Variants in DHRSX observed in about 807,000 individuals in gnomAD.
DHRSX encodes polyprenol dehydrogenase.
DHRSX carries 31 observed loss-of-function variants against 34.0 expected under a neutral mutation model. The ratio of observed to expected loss-of-function variants is 0.91; its 90% CI spans 0.69 to 1.23. The LOEUF is 1.23. Ranked by LOEUF, DHRSX falls within the 50% of genes most tolerant of loss-of-function variation. DHRSX has a pLI of 0.00. For synonymous variants in DHRSX, 201 were observed against 183.8 expected (o/e 1.09, Z -0.76); for missense variants, 414 against 428.1 (o/e 0.97, Z 0.29).
intron 1 of DHRSX, among the ~76,000 whole-genome samples, chrX:2,450,872 C>T (rs2044207199): frequency 6.6e-6 from 1 of 151,958 alleles, no homozygotes; most frequent in Non-Finnish European, 1.5e-5. Context: ...AGGTGGGAGA[C>T]TTGGGAGGTG....
At chrX:2,430,047 G>A (rs887792351) in intron 1 of DHRSX, among the ~76,000 whole-genome samples, 4 of 151,886 alleles carry the variant, frequency 2.6e-5, no homozygotes, top group Admixed American at 2.0e-4. Context: ...ACTGAAATGA[G>A]ACTTGGTCAT....
intron 5 of DHRSX, among the ~76,000 whole-genome samples, chrX:2,264,246 G>C (rs1402072603): frequency 6.6e-6 from 1 of 152,134 alleles, no homozygotes; most frequent in East Asian, 1.9e-4. Context: ...AGTGTGCCCA[G>C]AGCACCGCTA....
chrX:2,293,814 T>C (rs1242496783), intron 3 of DHRSX, among the ~76,000 whole-genome samples: 1 of 152,046 alleles, frequency 6.6e-6, no homozygotes, highest in African/African-American at 2.4e-5. Context: ...GCAGTGTGTG[T>C]GTGTGGTGGG....
intron 3 of DHRSX, among the ~76,000 whole-genome samples, chrX:2,356,808 T>A (rs1241699525): frequency 2.6e-5 from 4 of 152,210 alleles, no homozygotes; most frequent in Non-Finnish European, 5.9e-5. Context: ...CGTTTTCTTT[T>A]CTCTAGCTTA....
chrX:2,432,872 C>A (rs1456159765), intron 1 of DHRSX, among the ~76,000 whole-genome samples: 1 of 152,008 alleles, frequency 6.6e-6, no homozygotes, highest in African/African-American at 2.4e-5. Context: ...GCCTGTAATC[C>A]CAGCACTTTG....
rs753638204 is a variant in DHRSX, at chrX:2,271,410, C to G, written c.389-4463G>C. 3.3e-5 allele frequency among the ~76,000 whole-genome samples: 5 copies of G among 152,322 alleles called. No homozygotes were observed. In the East Asian group the frequency reaches 7.7e-4, roughly 23 times the overall value. ...CACCATGCCATTCCAGGCCTGTGGC[C>G]TGCTGAAATCCTCAGGGAGAAATGA... On this transcript the variant is annotated intron_variant, in intron 4 of 6. Coordinates refer to ENST00000334651, the MANE Select transcript of DHRSX (RefSeq NM_145177.3).
chrX:2,270,308 G>A (rs1442151192), intron 4 of DHRSX, among the ~76,000 whole-genome samples: 2 of 152,108 alleles, frequency 1.3e-5, no homozygotes, highest in Non-Finnish European at 2.9e-5. Flanking sequence ...GAGCCACGTG[G>A]CCTTATCGAC....
chrX:2,256,895 C>T (rs770599226), intron 5 of DHRSX, among the ~76,000 whole-genome samples: 10 of 152,194 alleles, frequency 6.6e-5, no homozygotes, highest in African/African-American at 2.2e-4. Flanking sequence ...GTTCTCCAAA[C>T]TTCGGGTTTA....
chrX:2,381,092 C>T (rs1430263172), intron 3 of DHRSX, among the ~76,000 whole-genome samples: 4 of 152,020 alleles, frequency 2.6e-5, no homozygotes, highest in African/African-American at 9.7e-5. Context: ...CCTCGAACTC[C>T]TGACCTCAGG....
intron 4 of DHRSX, among the ~76,000 whole-genome samples, chrX:2,290,911 C>A (rs2041857589): frequency 6.6e-6 from 1 of 152,114 alleles, no homozygotes; most frequent in African/African-American, 2.4e-5. Flanking sequence ...TTAAGTGTTG[C>A]AATGATCTTA....
At chrX:2,367,816 C>T (rs1433746306) in intron 3 of DHRSX, among the ~76,000 whole-genome samples, 1 of 152,094 alleles carries the variant, frequency 6.6e-6, no homozygotes, top group Non-Finnish European at 1.5e-5. Flanking sequence ...TCAAATTATT[C>T]TCTGCGTCTT....
rs1258295024 is a variant in DHRSX at position 2,420,767 on chromosome X, A to T, written c.217+4430T>A. 2.6e-4 allele frequency among the ~76,000 whole-genome samples: 39 copies of T among 151,858 alleles called. 1 individual carries two copies. Among genetic ancestry groups the T allele is most frequent in the Admixed American group, 1.8e-3 (28 of 15,206 alleles). ...CAAAGTAAAAAAAAAAAGAATGGAT[A>T]AAAAAAATGCTCAAGTGGGAGTTAG... On this transcript the variant is annotated intron_variant, in intron 2 of 6. Coordinates refer to ENST00000334651, the MANE Select transcript of DHRSX (RefSeq NM_145177.3).
intron 6 of DHRSX, among the ~76,000 whole-genome samples, chrX:2,233,949 T>A (rs905276225): frequency 1.3e-5 from 2 of 152,214 alleles, no homozygotes; most frequent in African/African-American, 4.8e-5. Flanking sequence ...AACACTCTTA[T>A]GTGATATTAT....
At chrX:2,230,896 G>C (rs1321383151) in intron 6 of DHRSX, among the ~76,000 whole-genome samples, 13 of 152,058 alleles carry the variant, frequency 8.5e-5, no homozygotes, top group Non-Finnish European at 1.9e-4. Flanking sequence ...AGATCCTATT[G>C]GTCCTGTTTT....
intron 3 of DHRSX, among the ~76,000 whole-genome samples, chrX:2,299,770 G>A (rs759749861): frequency 1.3e-5 from 2 of 151,904 alleles, no homozygotes; most frequent in East Asian, 1.9e-4. Flanking sequence ...CAGGACAATC[G>A]TTTGAACCTG....
chrX:2,457,597 T>A (rs1486736153), intron 1 of DHRSX, among the ~76,000 whole-genome samples: 3 of 150,184 alleles, frequency 2.0e-5, no homozygotes, highest in African/African-American at 7.4e-5. Flanking sequence ...ACAGCCGCCA[T>A]GTACACACTG....
At chrX:2,300,055 G>A (rs182157335) in intron 3 of DHRSX, among the ~76,000 whole-genome samples, 58 of 152,152 alleles carry the variant, frequency 3.8e-4, no homozygotes, top group Middle Eastern at 6.8e-3. Context: ...CTGGCAAATC[G>A]CCTGGTTTGG....
chrX:2,298,015 C>G (rs113532603), intron 3 of DHRSX, among the ~76,000 whole-genome samples: 24,477 of 152,108 alleles, frequency 0.16, 2,640 homozygotes, highest in Non-Finnish European at 0.23. Flanking sequence ...CTCGGCCTCC[C>G]AAAGTGCTGG....
chrX:2,346,595 C>A (rs1180564471), intron 3 of DHRSX, among the ~76,000 whole-genome samples: 4 of 152,028 alleles, frequency 2.6e-5, no homozygotes, highest in Non-Finnish European at 5.9e-5. Context: ...AGGTGACTCC[C>A]ATGTTCCCCT....
Sources: gnomAD v4.1 joint callset for allele counts (sites outside exome capture counted in the v4.1 genomes callset) on GRCh38, gnomAD v4.1.1 for gene constraint, MANE v1.5 for transcripts, NCBI Gene and HGNC (gene_info 2026-07-23, HGNC 2026-07-21) for gene names.